The following C10orf90 variants were observed in gnomAD, a reference collection of about 807,000 sequenced individuals.
C10orf90 encodes (E2-independent) E3 ubiquitin-conjugating enzyme FATS.
Under a neutral mutation model 62.5 loss-of-function variants are expected in C10orf90, and 56 were observed. The observed-to-expected ratio is 0.90, with a 90% CI of 0.72 to 1.12. The LOEUF (loss-of-function observed/expected upper bound fraction) is 1.12, where lower values mean the gene tolerates loss of function less well. Ranked by LOEUF, C10orf90 falls within the 50% of genes most tolerant of loss-of-function variation. The pLI, the probability that C10orf90 is intolerant of heterozygous loss-of-function variation, is 0.00. For missense variants in C10orf90, 970 were observed against 880.4 expected (o/e 1.10, Z -1.29); for synonymous variants, 386 against 340.4 (o/e 1.13, Z -1.47).
At chr10:126,593,640 C>T (rs1845025078) in intron 2 of C10orf90, among the ~76,000 whole-genome samples, 2 of 152,122 alleles carry the variant, frequency 1.3e-5, no homozygotes, top group African/African-American at 2.4e-5. Context: ...AGCAAACCAC[C>T]ATGGCACATG....
intron 2 of C10orf90, among the ~76,000 whole-genome samples, chr10:126,642,869 G>A (rs904756683): frequency 6.6e-5 from 10 of 152,036 alleles, no homozygotes; most frequent in African/African-American, 1.4e-4. Flanking sequence ...CCAGCACCCC[G>A]CTAACCCCAT....
chr10:126,586,044 T>C (rs905855365), intron 2 of C10orf90, among the ~76,000 whole-genome samples: 2 of 152,238 alleles, frequency 1.3e-5, no homozygotes, highest in African/African-American at 4.8e-5. Flanking sequence ...GGCAACTCAT[T>C]TTCTTTCCAG....
At chr10:126,654,358 G>C (rs117948514) in intron 1 of C10orf90, among the ~76,000 whole-genome samples, 1 of 152,208 alleles carries the variant, frequency 6.6e-6, no homozygotes, top group Non-Finnish European at 1.5e-5. Context: ...TTCTACATTA[G>C]GGTTGCTGCT....
intron 2 of C10orf90, among the ~76,000 whole-genome samples, chr10:126,567,989 T>A (rs993526698): frequency 2.6e-5 from 4 of 151,956 alleles, no homozygotes; most frequent in Non-Finnish European, 5.9e-5. Flanking sequence ...GGAGAAAACC[T>A]CTGGGAAAGG....
intron 2 of C10orf90, among the ~76,000 whole-genome samples, chr10:126,533,156 G>C (rs1035036179): frequency 1.3e-5 from 2 of 151,800 alleles, no homozygotes; most frequent in Non-Finnish European, 2.9e-5. Context: ...GGATGTTCCC[G>C]ATCTCCTGAC....
intron 8 of C10orf90, among the ~76,000 whole-genome samples, chr10:126,426,344 G>C (rs1307473872): frequency 1.3e-5 from 2 of 152,250 alleles, no homozygotes; most frequent in Non-Finnish European, 2.9e-5. Context: ...CAGGGGCAAA[G>C]CTGGAGAGGC....
At chr10:126,513,511 C>T (rs989112676) in intron 3 of C10orf90, among the ~76,000 whole-genome samples, 2 of 152,178 alleles carry the variant, frequency 1.3e-5, no homozygotes, top group South Asian at 2.1e-4. Context: ...GTTCTAACAA[C>T]CTATACCAGC....
At chr10:126,655,565 T>C (rs1366225524) in intron 1 of C10orf90, among the ~76,000 whole-genome samples, 2 of 152,192 alleles carry the variant, frequency 1.3e-5, no homozygotes, top group Non-Finnish European at 2.9e-5. Context: ...TGAGCTGTAC[T>C]TGACAATGTG....
chr10:126,542,850 T>C (rs12775081), intron 2 of C10orf90, among the ~76,000 whole-genome samples: 23,836 of 152,080 alleles, frequency 0.16, 2,332 homozygotes, highest in Middle Eastern at 0.3. Flanking sequence ...TACATACACA[T>C]ACCTTGTGAT....
chr10:126,512,309 CTG>C (rs142351215), intron 3 of C10orf90, among the ~76,000 whole-genome samples: 73 of 128,224 alleles, frequency 5.7e-4, no homozygotes, highest in African/African-American at 1.7e-3. Flanking sequence ...GTGTGTGTGT[CTG>C]TGTGTGTGTG....
At chr10:126,515,141 T>A (rs568682861) in intron 2 of C10orf90, among the ~76,000 whole-genome samples, 29 of 152,366 alleles carry the variant, frequency 1.9e-4, no homozygotes, top group African/African-American at 6.5e-4. Flanking sequence ...AAGGACTGCA[T>A]ATATGACAGT....
At chr10:126,548,919 A>T (rs927609666) in intron 2 of C10orf90, among the ~76,000 whole-genome samples, 3 of 152,172 alleles carry the variant, frequency 2.0e-5, no homozygotes, top group Admixed American at 2.0e-4. Flanking sequence ...AATTCAATGG[A>T]GGAAAGCTAG....
intron 1 of C10orf90, among the ~76,000 whole-genome samples, chr10:126,657,447 A>G (rs1242470663): frequency 1.3e-5 from 2 of 152,144 alleles, no homozygotes; most frequent in East Asian, 3.9e-4. Context: ...ATTTGGCATC[A>G]TATCCTCACA....
chr10:126,469,886 G>T (rs1306811376), intron 4 of C10orf90: 9 of 456,750 alleles, frequency 2.0e-5, no homozygotes, highest in South Asian at 1.2e-4. Flanking sequence ...ACTCTCCTTT[G>T]CTGTCTCCTT....
intron 2 of C10orf90, among the ~76,000 whole-genome samples, chr10:126,558,867 T>C (rs1864838244): frequency 6.6e-6 from 1 of 152,214 alleles, no homozygotes; most frequent in African/African-American, 2.4e-5. Context: ...GTGCCCACTC[T>C]TGGCAGTGCT....
rs1261736453 is a variant in C10orf90 at position 126,630,211 on chromosome 10, C to T, written c.313+16354G>A. The stretch of plus-strand genomic sequence containing the variant: ...GGATATCTTAAATCCCTGATGCCCT[C>T]GTACTTCACCAACACGCTGCTCTGC... On this transcript the variant is annotated intron_variant, in intron 2 of 9. Transcript: ENST00000488181. 3.9e-5 allele frequency among the ~76,000 whole-genome samples: 6 copies of T among 152,178 alleles called. No homozygotes were observed. The South Asian group carries it at 1.0e-3, about 26-fold the overall frequency.
chr10:126,592,226 G>A (rs191911504), intron 2 of C10orf90, among the ~76,000 whole-genome samples: 56 of 152,172 alleles, frequency 3.7e-4, no homozygotes, highest in African/African-American at 1.3e-3. Context: ...ACAAAAAAGA[G>A]CCCAAATAGC....
chr10:126,536,053 G>A (rs974663689), intron 2 of C10orf90, among the ~76,000 whole-genome samples: 9 of 152,192 alleles, frequency 5.9e-5, no homozygotes, highest in African/African-American at 2.2e-4. Flanking sequence ...GGCTAAGACA[G>A]TACACGCCCA....
At chr10:126,616,657 A>C (rs1039911195) in intron 2 of C10orf90, among the ~76,000 whole-genome samples, 1 of 152,206 alleles carries the variant, frequency 6.6e-6, no homozygotes, top group Non-Finnish European at 1.5e-5. Context: ...GGTCAGAGGC[A>C]GGGCTTTTGG....
Sources: allele counts gnomAD v4.1 joint callset (sites outside exome capture counted in the v4.1 genomes callset), GRCh38; gene constraint gnomAD v4.1.1; transcripts MANE v1.5; gene names NCBI Gene and HGNC (gene_info 2026-07-23, HGNC 2026-07-21).